PPT1: variants seen among roughly 807,000 people sequenced by gnomAD.
PPT1 encodes palmitoyl-protein thioesterase 1.
PPT1 carries 24 observed loss-of-function variants against 44.0 expected under a neutral mutation model. The ratio of observed to expected loss-of-function variants is 0.54; its 90% CI spans 0.39 to 0.77. The LOEUF (loss-of-function observed/expected upper bound fraction) is 0.77, where lower values mean the gene tolerates loss of function less well. PPT1 is among the 30% of genes least tolerant of loss of function. The pLI is 0.00. For missense variants in PPT1, 341 were observed against 378.8 expected, an observed-to-expected ratio of 0.90 and a Z score of 0.83; for synonymous variants, 148 against 140.2, an observed-to-expected ratio of 1.06 and a Z score of -0.39.
intron 5 of PPT1, among the ~76,000 whole-genome samples, chr1:40,088,287 C>T (rs918601015): frequency 1.3e-5 from 2 of 152,088 alleles, no homozygotes; most frequent in Admixed American, 1.3e-4. Flanking sequence ...GCTGAGATTA[C>T]AGGCGTGCGC....
At chr1:40,076,992 G>T in intron 7 of PPT1, 79 bp from the exon 8 acceptor site, 1 of 1,515,054 alleles carries the variant, frequency 6.6e-7, no homozygotes, top group Non-Finnish European at 9.1e-7. Flanking sequence ...CTGGTTAGAA[G>T]CTAAAACTGC....
intron 5 of PPT1, among the ~76,000 whole-genome samples, chr1:40,088,032 G>C (rs1482045087): frequency 6.6e-6 from 1 of 151,970 alleles, no homozygotes; most frequent in Non-Finnish European, 1.5e-5. Flanking sequence ...AGAATATACT[G>C]TAATAAAAAG....
At chr1:40,096,496 C>A (rs1649850465) in intron 1 of PPT1, among the ~76,000 whole-genome samples, 1 of 152,114 alleles carries the variant, frequency 6.6e-6, no homozygotes, top group Non-Finnish European at 1.5e-5. Flanking sequence ...AAATTCCACA[C>A]CTGACCTCAT....
At position 40,072,965 on chromosome 1, in the gene PPT1, T is replaced by C. The variant is rs2124463456; in HGVS notation, c.*1096A>G. The C allele has an allele frequency of 6.6e-6, 1 of 152,368 alleles. No individual in the cohort carries two copies. The highest frequency in any genetic ancestry group is 1.9e-4 in the East Asian group (1 of 5,186). 9.4% of individuals were successfully genotyped at this position (152,368 alleles called of 1,614,324 possible). A position where few individuals can be genotyped will look rare whatever the true frequency, so the allele number is the denominator to read the frequency against. On this transcript the variant is annotated 3_prime_UTR_variant, in exon 9 of 9. Transcript: ENST00000642050. ...TTTTCACAGAGTGGGGACTATGATT[T>C]CCATGCTCAAATAGTGTAGGAAATG...
At chr1:40,080,148 C>T (rs958780189) in intron 6 of PPT1, among the ~76,000 whole-genome samples, 5 of 152,188 alleles carry the variant, frequency 3.3e-5, no homozygotes, top group African/African-American at 9.7e-5. Flanking sequence ...CAGTCAGCAA[C>T]CTGCCGAGCT....
At chr1:40,075,290 G>A (rs1014256687) in intron 8 of PPT1, 2 of 152,034 alleles carry the variant, frequency 1.3e-5, no homozygotes, top group Admixed American at 6.6e-5. Flanking sequence ...CAACCGTTAG[G>A]TAACAAACCC....
chr1:40,088,574 T>A (rs3122437), intron 5 of PPT1, among the ~76,000 whole-genome samples: 77,081 of 151,712 alleles, frequency 0.51, 21,055 homozygotes, highest in Non-Finnish European at 0.62. Flanking sequence ...TTTTTTTTTT[T>A]AAAAATAGAT....
chr1:40,083,601 C>T (rs1238178846), intron 5 of PPT1, among the ~76,000 whole-genome samples: 2 of 152,192 alleles, frequency 1.3e-5, no homozygotes, highest in Non-Finnish European at 2.9e-5. Context: ...CCTGCCACAG[C>T]ACATCCATTC....
In PPT1 at chr1:40,093,883, C is replaced by CAAAAAAAA. The variant is rs11345893; in HGVS notation, c.125-1384_125-1377dup. ...TGGGCAACAGAACAAGGCTCCATCT[C>CAAAAAAAA]AAAAAAAAAAAAAAAAAAAAATCCA... is the stretch of plus-strand genomic sequence containing the variant. On this transcript the variant is annotated intron_variant, in intron 1 of 8. Coordinates refer to ENST00000642050, the MANE Select transcript of PPT1 (RefSeq NM_000310.4). 4 of 449,962 alleles carry CAAAAAAAA rather than the reference C, an allele frequency of 8.9e-6. No individual in the cohort carries two copies. The African/African-American group carries it at 8.9e-5, about 10-fold the overall frequency. 27.9% of individuals were successfully genotyped at this position (449,962 alleles called of 1,614,324 possible).
chr1:40,094,852 C>T (rs1250144292), intron 1 of PPT1, among the ~76,000 whole-genome samples: 7 of 152,182 alleles, frequency 4.6e-5, no homozygotes, highest in African/African-American at 1.4e-4. Context: ...ACTTAACTGC[C>T]TCTGCCTCCC....
intron 5 of PPT1, among the ~76,000 whole-genome samples, chr1:40,086,681 G>A (rs145992541): frequency 1.3e-5 from 2 of 152,176 alleles, no homozygotes; most frequent in East Asian, 3.9e-4. Flanking sequence ...GCCTCAGACT[G>A]AGACAATCTC....
Position 40,097,225 on chromosome 1 carries a change from C to G in PPT1, c.14G>C (p.Gly5Ala), listed in dbSNP as rs757580857. 22 of 1,613,948 alleles carry G rather than the reference C, an allele frequency of 1.4e-5. No homozygotes were observed. In the East Asian group the frequency reaches 4.7e-4, roughly 34 times the overall value. The change falls in exon 1 of 9, where the codon GGC becomes GCC. Residue 5 changes from glycine (G) to alanine (A), a missense_variant. Coordinates refer to ENST00000642050, the MANE Select transcript of PPT1 (RefSeq NM_000310.4). MASP[G>A]CLWLLAVALL... ...AGCCACAGCCAAGAGCCACAGGCAG[C>G]CGGGCGACGCCATCTTCGCTGTGTC...
intron 1 of PPT1, among the ~76,000 whole-genome samples, chr1:40,095,519 T>G (rs1649800194): frequency 6.6e-6 from 1 of 152,194 alleles, no homozygotes; most frequent in South Asian, 2.1e-4. Context: ...AAAAGCAGAC[T>G]CTTGATCTTT....
intron 8 of PPT1, chr1:40,076,617 G>T: frequency 2.2e-6 from 3 of 1,372,678 alleles, no homozygotes; most frequent in South Asian, 1.5e-5. Flanking sequence ...AAACCATAAG[G>T]TTTCAGGATG....
chr1:40,095,165 T>G (rs1649782659), intron 1 of PPT1, among the ~76,000 whole-genome samples: 1 of 152,238 alleles, frequency 6.6e-6, no homozygotes, highest in Non-Finnish European at 1.5e-5. Context: ...CTATCAACAT[T>G]TGATGCAGTT....
At chr1:40,081,599 C>A (rs555906194) in intron 5 of PPT1, among the ~76,000 whole-genome samples, 1 of 152,008 alleles carries the variant, frequency 6.6e-6, no homozygotes, top group African/African-American at 2.4e-5. Flanking sequence ...AGTTTCCCTG[C>A]CCAAGCTCTC....
At chr1:40,074,808 T>C (rs900293982) in intron 8 of PPT1, among the ~76,000 whole-genome samples, 1 of 152,056 alleles carries the variant, frequency 6.6e-6, no homozygotes, top group African/African-American at 2.4e-5. Context: ...GCAATTGAGA[T>C]TGCTCTATAC....
downstream of PPT1, chr1:40,071,691 C>A (rs1648066735): frequency 1.7e-6 from 1 of 585,340 alleles, no homozygotes; most frequent in South Asian, 2.2e-5. Flanking sequence ...ATACCTCAGG[C>A]TGAAATTTGG....
At chr1:40,093,834 A>T in intron 1 of PPT1, 1 of 509,854 alleles carries the variant, frequency 2.0e-6, no homozygotes, top group South Asian at 3.1e-5. Flanking sequence ...CAGTGAGCCA[A>T]GATCATGCCA....
Sources: allele counts gnomAD v4.1 joint callset (sites outside exome capture counted in the v4.1 genomes callset), GRCh38; gene constraint gnomAD v4.1.1; transcripts MANE v1.5; gene names NCBI Gene and HGNC (gene_info 2026-07-23, HGNC 2026-07-21).